Variants in GABRG2 observed in about 807,000 individuals in gnomAD.
GABRG2 encodes gamma-aminobutyric acid type A receptor subunit gamma2, also known as gamma-aminobutyric acid receptor subunit gamma-2.
Under a neutral mutation model 56.4 loss-of-function variants are expected in GABRG2, and 16 were observed. The ratio of observed to expected loss-of-function variants is 0.28; its 90% CI spans 0.19 to 0.43. The LOEUF is 0.43. Ranked by LOEUF, GABRG2 falls within the 20% of genes least tolerant of loss-of-function variation. The pLI is 1.00. For synonymous variants in GABRG2, 208 were observed against 205.5 expected (o/e 1.01, Z -0.10); for missense variants, 327 against 582.7 (o/e 0.56, Z 4.52).
intron 6 of GABRG2, among the ~76,000 whole-genome samples, chr5:162,113,085 G>A (rs1453868185): frequency 1.3e-5 from 2 of 151,882 alleles, no homozygotes; most frequent in Non-Finnish European, 2.9e-5. Context: ...GATTGCACAC[G>A]CACGCCACTA....
chr5:162,105,345 A>T (rs1158862974), intron 6 of GABRG2, among the ~76,000 whole-genome samples: 1 of 152,010 alleles, frequency 6.6e-6, no homozygotes, highest in Admixed American at 6.6e-5. Flanking sequence ...AAAGAAGGTC[A>T]TAGTAATGCT....
intron 6 of GABRG2, among the ~76,000 whole-genome samples, chr5:162,126,263 C>T (rs1561653200): frequency 6.6e-6 from 1 of 151,882 alleles, no homozygotes; most frequent in Admixed American, 6.6e-5. Flanking sequence ...CTGAAGAAGT[C>T]GTACTTGTGA....
intron 6 of GABRG2, among the ~76,000 whole-genome samples, chr5:162,126,431 C>G (rs1025546337): frequency 2.6e-5 from 4 of 151,890 alleles, no homozygotes; most frequent in Non-Finnish European, 4.4e-5. Context: ...CACTTTTGAC[C>G]TCTATTGTGG....
chr5:162,092,951 G>A (rs779504683), intron 1 of GABRG2, among the ~76,000 whole-genome samples: 13 of 152,022 alleles, frequency 8.6e-5, no homozygotes, highest in Non-Finnish European at 1.9e-4. Flanking sequence ...CATCTTGGCG[G>A]GGTTGCCTTG....
At position 162,126,973 on chromosome 5, in the gene GABRG2, C is replaced by A. The variant is rs1320184436; in HGVS notation, c.770-15191C>A. Among the ~76,000 whole-genome samples, 8 of 152,030 alleles carry A rather than the reference C, an allele frequency of 5.3e-5. No homozygotes were observed. The East Asian group carries it at 1.6e-3, about 30-fold the overall frequency. ...TTAATTTCCCATAGTAATTAATCAT[C>A]CTGAACATTTTTAAATTTACAATTA... On this transcript the variant is annotated intron_variant, in intron 6 of 9. Transcript: ENST00000639213.
intron 1 of GABRG2, among the ~76,000 whole-genome samples, chr5:162,073,398 T>A (rs1758830340): frequency 1.3e-5 from 2 of 152,062 alleles, no homozygotes; most frequent in South Asian, 2.1e-4. Flanking sequence ...ACTTAATTAT[T>A]CATCCAGAAA....
intron 6 of GABRG2, among the ~76,000 whole-genome samples, chr5:162,124,315 C>G (rs998726350): frequency 6.6e-6 from 1 of 151,690 alleles, no homozygotes; most frequent in Non-Finnish European, 1.5e-5. Context: ...TAGAAAGTGA[C>G]CAAAGCATCA....
chr5:162,141,689 T>G (rs2113595576), intron 6 of GABRG2, among the ~76,000 whole-genome samples: 1 of 152,350 alleles, frequency 6.6e-6, no homozygotes, highest in Non-Finnish European at 1.5e-5. Context: ...TTATAAATTC[T>G]GAGTAAAATA....
In GABRG2 at chr5:162,120,864, G is replaced by A. The variant is rs186676126; in HGVS notation, c.769+16838G>A. The stretch of plus-strand genomic sequence containing the variant: ...GATTAAGAATTCCCATTAAAACCTG[G>A]TAGTAAAAGCCAGCATTGCTTTCTT... On this transcript the variant is annotated intron_variant, in intron 6 of 9. Coordinates refer to ENST00000639213, the MANE Select transcript of GABRG2 (RefSeq NM_198904.4). Among the ~76,000 whole-genome samples, 3 of 152,172 alleles carry A rather than the reference G, an allele frequency of 2.0e-5. 1 individual carries two copies. Among genetic ancestry groups the A allele is most frequent in the Admixed American group, 2.0e-4 (3 of 15,254 alleles).
intron 6 of GABRG2, among the ~76,000 whole-genome samples, chr5:162,118,568 CAT>C (rs914688586): frequency 6.6e-5 from 10 of 152,190 alleles, no homozygotes; most frequent in Admixed American, 3.3e-4. Context: ...AACTTATAAA[CAT>C]GTGAATATAT....
chr5:162,071,725 G>T (rs1327178769), intron 1 of GABRG2, among the ~76,000 whole-genome samples: 1 of 151,828 alleles, frequency 6.6e-6, no homozygotes, highest in Non-Finnish European at 1.5e-5. Context: ...AGACAAGCTT[G>T]TCATTTCCTG....
chr5:162,099,758 G>A (rs559895540), intron 4 of GABRG2: 29 of 152,250 alleles, frequency 1.9e-4, no homozygotes, highest in African/African-American at 6.5e-4. Flanking sequence ...CCTCAAAAGT[G>A]TCACTAATGG....
intron 6 of GABRG2, among the ~76,000 whole-genome samples, chr5:162,121,367 TA>T (rs1762968074): frequency 1.3e-5 from 2 of 152,216 alleles, no homozygotes; most frequent in African/African-American, 4.8e-5. Context: ...TTGATCTTTT[TA>T]AAATTGATGA....
At chr5:162,121,143 A>T (rs1202792523) in intron 6 of GABRG2, among the ~76,000 whole-genome samples, 1 of 152,122 alleles carries the variant, frequency 6.6e-6, no homozygotes. Flanking sequence ...TGAAGAGTAG[A>T]TGCTCGTGAG....
chr5:162,114,724 A>G (rs1295112218), intron 6 of GABRG2, among the ~76,000 whole-genome samples: 1 of 152,186 alleles, frequency 6.6e-6, no homozygotes, highest in Non-Finnish European at 1.5e-5. Context: ...ACATTCTGCA[A>G]CTGGGCTTAT....
At chr5:162,106,756 A>C (rs1396071505) in intron 6 of GABRG2, among the ~76,000 whole-genome samples, 1 of 152,162 alleles carries the variant, frequency 6.6e-6, no homozygotes, top group African/African-American at 2.4e-5. Context: ...AAGCTTTGTT[A>C]TATCCAAGTA....
chr5:162,091,015 T>G (rs868450695), intron 1 of GABRG2, among the ~76,000 whole-genome samples: 40 of 152,282 alleles, frequency 2.6e-4, no homozygotes, highest in African/African-American at 9.4e-4. Flanking sequence ...AGAAGTTCCT[T>G]TTTTTAAAGA....
chr5:162,149,487 A>G (rs576299779), intron 8 of GABRG2, 174 bp downstream of exon 8: 4 of 730,776 alleles, frequency 5.5e-6, no homozygotes, highest in South Asian at 4.3e-5. Flanking sequence ...TACTTGAGAG[A>G]GACTCAAGTC....
intron 1 of GABRG2, among the ~76,000 whole-genome samples, chr5:162,075,601 T>C (rs1475739335): frequency 6.6e-6 from 1 of 152,122 alleles, no homozygotes; most frequent in East Asian, 1.9e-4. Context: ...ATAGCATGCC[T>C]AGCCTCTAAC....
Sources: gnomAD v4.1 joint callset for allele counts (sites outside exome capture counted in the v4.1 genomes callset) on GRCh38, gnomAD v4.1.1 for gene constraint, MANE v1.5 for transcripts, NCBI Gene and HGNC (gene_info 2026-07-23, HGNC 2026-07-21) for gene names.